SRC: variants seen among roughly 807,000 people sequenced by gnomAD.
SRC encodes the protein proto-oncogene tyrosine-protein kinase Src.
In SRC, 13 loss-of-function variants were observed where a neutral mutation model predicts 62.9. The observed-to-expected ratio is 0.21, with a 90% CI of 0.13 to 0.33. SRC has a LOEUF of 0.33. Among genes scored for constraint, SRC ranks in the 10% least tolerant of loss-of-function variants. SRC has a pLI of 1.00. For missense variants in SRC, 457 were observed against 737.3 expected, an observed-to-expected ratio of 0.62 and a Z score of 4.40; for synonymous variants, 302 against 317.5, an observed-to-expected ratio of 0.95 and a Z score of 0.52.
chr20:37,372,209 A>ACG (rs1396592476), intron 2 of SRC, among the ~76,000 whole-genome samples: 15 of 150,468 alleles, frequency 1.0e-4, no homozygotes, highest in African/African-American at 3.7e-4. Flanking sequence ...GGATTTCACC[A>ACG]TCTCCTGAGC....
intron 1 of SRC, among the ~76,000 whole-genome samples, chr20:37,352,817 G>A (rs537312137): frequency 5.3e-5 from 8 of 152,146 alleles, no homozygotes; most frequent in South Asian, 2.1e-4. Context: ...TTATCGGGCC[G>A]TACACCTTTG....
chr20:37,360,889 G>GC (rs1568621181), intron 1 of SRC, among the ~76,000 whole-genome samples: 3 of 152,212 alleles, frequency 2.0e-5, no homozygotes, highest in Non-Finnish European at 4.4e-5. Context: ...GGCAGTGGAG[G>GC]CACAGAGAGG....
intron 2 of SRC, among the ~76,000 whole-genome samples, chr20:37,369,397 A>G (rs1157112187): frequency 1.3e-5 from 2 of 152,110 alleles, no homozygotes; most frequent in Non-Finnish European, 2.9e-5. Context: ...TATTCTTTTG[A>G]TGCTATCATA....
In SRC at chr20:37,403,810, G is replaced by A. The variant is rs917692542; in HGVS notation, c.*431G>A. 34 of 263,476 alleles carry A rather than the reference G, an allele frequency of 1.3e-4. No homozygotes were observed. Among genetic ancestry groups the A allele is most frequent in the African/African-American group, 5.8e-4 (27 of 46,790 alleles). The allele number at this position is 263,476 out of a possible 1,614,324, so 16.3% of individuals were successfully genotyped here. A position where few individuals can be genotyped will look rare whatever the true frequency, so the allele number is the denominator to read the frequency against. ...CCAAAGAGCCTTTCCAAAGAGGAGC[G>A]ATGGGCCCCTGGCCCCGCCTGCCTG... On this transcript the variant is annotated 3_prime_UTR_variant, in exon 14 of 14. Coordinates refer to ENST00000373578, the MANE Select transcript of SRC (RefSeq NM_198291.3). The surrounding 1 kb of genome is among the most constrained non-coding windows in gnomAD (Gnocchi z 7.1).
At chr20:37,400,482 C>G (rs2070721623) in intron 10 of SRC, among the ~76,000 whole-genome samples, 188 bp downstream of exon 10, 2 of 152,140 alleles carry the variant, frequency 1.3e-5, no homozygotes, top group Admixed American at 1.3e-4. Flanking sequence ...ACCTTCCAGG[C>G]TCAAGCAGTT....
Position 37,396,115 on chromosome 20 carries a change from C to A in SRC, c.554-47C>A, listed in dbSNP as rs367842964. 1 of 1,597,130 alleles carries A rather than the reference C, an allele frequency of 6.3e-7. No homozygotes were observed. The highest frequency in any genetic ancestry group is 8.5e-7 in the Non-Finnish European group (1 of 1,173,826). ...GAACGGTGTCCAGAGCAGCGGCCTGCGGGGGGAGAGGGCATGGCGGTCACG... is the reference window on the plus strand; with the variant it reads ...GAACGGTGTCCAGAGCAGCGGCCTGAGGGGGGAGAGGGCATGGCGGTCACG... On this transcript the variant is annotated intron_variant, in intron 7 of 13. Transcript: ENST00000373578. The surrounding 1 kb of genome is among the most constrained non-coding windows in gnomAD (Gnocchi z 6.1).
chr20:37,372,184 G>GTT (rs1449926158), intron 2 of SRC, among the ~76,000 whole-genome samples: 2 of 115,862 alleles, frequency 1.7e-5, no homozygotes, highest in African/African-American at 1.0e-4. Flanking sequence ...GTGTGTGTGT[G>GTT]TTTTTTAGAG....
At position 37,401,586 on chromosome 20, in the gene SRC, GTC is replaced by G. The variant is rs749365749; in HGVS notation, c.1040-8_1040-7del. 12 of 1,603,134 alleles carry G rather than the reference GTC, an allele frequency of 7.5e-6. No homozygotes were observed. In the East Asian group the frequency reaches 1.4e-4, roughly 18 times the overall value. On this transcript the variant is annotated splice_polypyrimidine_tract_variant and intron_variant, in intron 10 of 13. Transcript: ENST00000373578. The stretch of plus-strand genomic sequence containing the variant: ...GGGACAGGGCAGGAGCTGGAGCTGG[GTC>G]TCTCTCTGCCCAGGGAGTTTGCTGG...
rs2070684388 is a variant in SRC, at chr20:37,398,030, C to G, written c.859+176C>G. Among the ~76,000 whole-genome samples the G allele has an allele frequency of 6.6e-6, 1 of 152,234 alleles. No individual in the cohort carries two copies. The highest frequency in any genetic ancestry group is 2.4e-5 in the African/African-American group (1 of 41,458). On this transcript the variant is annotated intron_variant, in intron 9 of 13. Transcript: ENST00000373578. This position sits in a 1 kb window ranked among gnomAD's most constrained non-coding sequence, Gnocchi z 5.2. ...GAGTTGGGTTGTGGCCACCCAAGCA[C>G]TGTGCCCCGGACCGTGCAAACCATA...
intron 2 of SRC, among the ~76,000 whole-genome samples, chr20:37,375,791 C>A (rs1305766346): frequency 6.6e-6 from 1 of 152,196 alleles, no homozygotes; most frequent in Admixed American, 6.5e-5. Context: ...GCAGCTTAAA[C>A]CATGAACATT....
chr20:37,380,795 G>A (rs1040743591), intron 2 of SRC, among the ~76,000 whole-genome samples: 7 of 152,068 alleles, frequency 4.6e-5, no homozygotes, highest in African/African-American at 7.2e-5. Context: ...GGAAGGAAAC[G>A]CACCACCACA....
rs561088415 is a variant in SRC at position 37,398,404 on chromosome 20, A to G, written c.859+550A>G. 8.0e-4 allele frequency among the ~76,000 whole-genome samples: 122 copies of G among 152,340 alleles called. No individual in the cohort carries two copies. Among genetic ancestry groups the G allele is most frequent in the South Asian group, 1.9e-3 (9 of 4,826 alleles). ...CTCTTCCACCGGATGCTTTCTGCTC[A>G]CACGGAGGGACCGGAGGCCAGGGTG... On this transcript the variant is annotated intron_variant, in intron 9 of 13. Transcript: ENST00000373578. The surrounding 1 kb of genome is among the most constrained non-coding windows in gnomAD (Gnocchi z 5.2).
Position 37,404,781 on chromosome 20 carries a change from C to T in SRC, c.*1402C>T, listed in dbSNP as rs148017885. ...CAGGAGACTGGGCTCTGGCTCTGTT[C>T]GGCCTTTGGGTGTGTGGTGGATTCT... On this transcript the variant is annotated 3_prime_UTR_variant, in exon 14 of 14. Coordinates refer to ENST00000373578, the MANE Select transcript of SRC (RefSeq NM_198291.3). The T allele has an allele frequency of 1.2e-4, 28 of 233,452 alleles. No individual in the cohort carries two copies. The highest frequency in any genetic ancestry group is 5.4e-4 in the East Asian group (9 of 16,604). The allele number at this position is 233,452 out of a possible 1,614,324, so 14.5% of individuals were successfully genotyped here.
At chr20:37,377,954 T>C (rs1479198275) in intron 2 of SRC, among the ~76,000 whole-genome samples, 2 of 152,062 alleles carry the variant, frequency 1.3e-5, no homozygotes, top group Non-Finnish European at 2.9e-5. Context: ...GACACAGGCA[T>C]ACATTGTGTA....
intron 1 of SRC, among the ~76,000 whole-genome samples, chr20:37,359,111 G>A (rs1464373665): frequency 2.0e-5 from 3 of 152,240 alleles, no homozygotes; most frequent in Admixed American, 6.5e-5. Flanking sequence ...AAGCTCTGCC[G>A]CAGAGATGGA....
chr20:37,373,319 T>C (rs933107012), intron 2 of SRC, among the ~76,000 whole-genome samples: 1 of 151,076 alleles, frequency 6.6e-6, no homozygotes, highest in African/African-American at 2.4e-5. Context: ...ATTACATATG[T>C]ACACACATAC....
chr20:37,354,654 T>C (rs1432165270), intron 1 of SRC, among the ~76,000 whole-genome samples: 1 of 152,226 alleles, frequency 6.6e-6, no homozygotes, highest in Non-Finnish European at 1.5e-5. Flanking sequence ...GGGCTGTGCC[T>C]TGTGGACTTT....
chr20:37,396,328 G>A lies in SRC; in HGVS notation c.703+17G>A, dbSNP rs2147101656. The A allele has an allele frequency of 6.2e-7, 1 of 1,611,764 alleles. No homozygotes were observed. The highest frequency in any genetic ancestry group is 8.5e-7 in the Non-Finnish European group (1 of 1,179,742). On this transcript the variant is annotated intron_variant, in intron 8 of 13. Coordinates refer to ENST00000373578, the MANE Select transcript of SRC (RefSeq NM_198291.3). The surrounding 1 kb of genome is among the most constrained non-coding windows in gnomAD (Gnocchi z 6.1). ...ACTACTCCAGTGAGCCAGCCTCGGA[G>A]GGCGGAGGGCGGGCGGGCAAAGCCT...
chr20:37,356,013 C>A (rs1289725094), intron 1 of SRC, among the ~76,000 whole-genome samples: 1 of 152,126 alleles, frequency 6.6e-6, no homozygotes, highest in Non-Finnish European at 1.5e-5. Flanking sequence ...AGAGAAGGAT[C>A]AGACCGGCCT....
Sources: gnomAD v4.1 joint callset for allele counts (sites outside exome capture counted in the v4.1 genomes callset) on GRCh38, gnomAD v4.1.1 for gene constraint, Gnocchi (gnomAD v3.1) non-coding constraint, MANE v1.5 for transcripts, NCBI Gene and HGNC (gene_info 2026-07-23, HGNC 2026-07-21) for gene names.